The following VAT1L variants were observed in gnomAD, a reference collection of about 807,000 sequenced individuals.
VAT1L encodes vesicle amine transport 1 like, also known as putative NADPH-dependent quinone oxidoreductase VAT1L.
In VAT1L, 34 loss-of-function variants were observed where a neutral mutation model predicts 44.1. That is an observed-to-expected ratio of 0.77 (90% CI 0.59 to 1.03). VAT1L has a LOEUF of 1.03. Among genes scored for constraint, VAT1L ranks in the 50% least tolerant of loss-of-function variants. VAT1L has a pLI of 0.00. For synonymous variants in VAT1L, 253 were observed against 202.2 expected, an observed-to-expected ratio of 1.25 and a Z score of -2.13; for missense variants, 615 against 538.8, an observed-to-expected ratio of 1.14 and a Z score of -1.40.
At chr16:77,957,761 T>C (rs946276366) in intron 7 of VAT1L, among the ~76,000 whole-genome samples, 15 of 148,510 alleles carry the variant, frequency 1.0e-4, no homozygotes, top group African/African-American at 3.7e-4. Context: ...TATATAATTA[T>C]AATTATATTA....
At chr16:77,967,002 G>A (rs376564) in intron 7 of VAT1L, among the ~76,000 whole-genome samples, 3 of 149,986 alleles carry the variant, frequency 2.0e-5, no homozygotes, top group East Asian at 2.0e-4. Context: ...TCTCCCACGT[G>A]CTACTGAGCT....
chr16:77,914,430 T>G (rs548474286), intron 7 of VAT1L, among the ~76,000 whole-genome samples: 1 of 152,186 alleles, frequency 6.6e-6, no homozygotes, highest in Non-Finnish European at 1.5e-5. Flanking sequence ...AAATCAGCCA[T>G]GGTGTGAGCA....
At position 77,884,799 on chromosome 16, in the gene VAT1L, G is replaced by A. The variant is rs773479800; in HGVS notation, c.1074G>A (p.Glu358=). The part of the protein sequence containing the change: ...KPVVDSLWAL[E]EVKEAMQRIH... ...TGGTGGACTCCTTGTGGGCTCTGGA[G>A]GAGGTAAGAATGGTGCTTTTCTTCT... Residue 358 remains glutamate, a synonymous_variant, in exon 7 of 9, where the codon GAG becomes GAA. Transcript: ENST00000302536. The surrounding 1 kb of genome is among the most constrained non-coding windows in gnomAD (Gnocchi z 4.5). 3.3e-6 allele frequency: 5 copies of A among 1,496,528 alleles called. No individual in the cohort carries two copies. Among genetic ancestry groups the A allele is most frequent in the Non-Finnish European group, 3.5e-6 (4 of 1,127,000 alleles). 92.7% of individuals were successfully genotyped at this position (1,496,528 alleles called of 1,614,324 possible). A position where few individuals can be genotyped will look rare whatever the true frequency, so the allele number is the denominator to read the frequency against.
chr16:77,823,954 C>T (rs758134517), intron 2 of VAT1L, among the ~76,000 whole-genome samples: 4 of 152,008 alleles, frequency 2.6e-5, no homozygotes, highest in African/African-American at 7.2e-5. Context: ...ACCTGGGAGG[C>T]GGAGGTTGCA....
intron 4 of VAT1L, among the ~76,000 whole-genome samples, chr16:77,873,520 T>G (rs2017054465): frequency 6.6e-6 from 1 of 152,216 alleles, no homozygotes; most frequent in Admixed American, 6.5e-5. Context: ...CAATCACTAT[T>G]TCTTGAGAAG....
intron 3 of VAT1L, among the ~76,000 whole-genome samples, chr16:77,843,742 C>T (rs540233030): frequency 6.6e-6 from 1 of 152,336 alleles, no homozygotes; most frequent in East Asian, 1.9e-4. Flanking sequence ...GTCCCTGATA[C>T]AAACTGGTCC....
At chr16:77,852,693 G>A (rs574961747) in intron 3 of VAT1L, among the ~76,000 whole-genome samples, 5 of 152,286 alleles carry the variant, frequency 3.3e-5, no homozygotes, top group East Asian at 3.9e-4. Flanking sequence ...TTGACAAAGC[G>A]TAACTTACCA....
intron 7 of VAT1L, among the ~76,000 whole-genome samples, chr16:77,888,311 T>C (rs943785047): frequency 1.3e-5 from 2 of 152,146 alleles, no homozygotes; most frequent in Non-Finnish European, 2.9e-5. Flanking sequence ...ATTTAAACCC[T>C]ACATGAGGGA....
chr16:77,940,455 T>C (rs1266802648), intron 7 of VAT1L, among the ~76,000 whole-genome samples: 1 of 149,316 alleles, frequency 6.7e-6, no homozygotes, highest in Non-Finnish European at 1.5e-5. Flanking sequence ...GCGATTCTCC[T>C]GCCTCAGCCT....
At chr16:77,970,701 C>T (rs1427309687) in intron 7 of VAT1L, among the ~76,000 whole-genome samples, 1 of 152,118 alleles carries the variant, frequency 6.6e-6, no homozygotes, top group Non-Finnish European at 1.5e-5. Context: ...GTTTTTTTCC[C>T]CATAATTTAA....
At chr16:77,951,854 C>CT (rs1205991152) in intron 7 of VAT1L, among the ~76,000 whole-genome samples, 2 of 123,848 alleles carry the variant, frequency 1.6e-5, no homozygotes, top group African/African-American at 7.2e-5. Context: ...AAAAAAAAAA[C>CT]ACGAAAAAAC....
chr16:77,811,273 C>G (rs1453098877), intron 1 of VAT1L, among the ~76,000 whole-genome samples: 1 of 152,208 alleles, frequency 6.6e-6, no homozygotes, highest in African/African-American at 2.4e-5. Flanking sequence ...CTACATGTAT[C>G]TTTGCTAAAC....
chr16:77,925,471 T>C (rs796091737), intron 7 of VAT1L, among the ~76,000 whole-genome samples: 2 of 152,278 alleles, frequency 1.3e-5, no homozygotes, highest in African/African-American at 4.8e-5. Flanking sequence ...TTTCGGGGTA[T>C]TAAAGAGGTC....
At chr16:77,971,382 G>C (rs756456761) in intron 7 of VAT1L, among the ~76,000 whole-genome samples, 75 of 152,234 alleles carry the variant, frequency 4.9e-4, no homozygotes, top group Non-Finnish European at 1.0e-3. Flanking sequence ...AACCAGAATC[G>C]TGAGAATTTT....
intron 7 of VAT1L, among the ~76,000 whole-genome samples, chr16:77,912,624 T>A (rs1405622339): frequency 6.6e-6 from 1 of 152,218 alleles, no homozygotes; most frequent in East Asian, 1.9e-4. Context: ...CAATTTCAAC[T>A]GGCTTATTCT....
chr16:77,945,336 G>C (rs935461539), intron 7 of VAT1L, among the ~76,000 whole-genome samples: 3 of 131,764 alleles, frequency 2.3e-5, no homozygotes, highest in South Asian at 2.4e-4. Context: ...GTTAATGCTG[G>C]AGTACAGTGA....
chr16:77,903,829 T>A (rs983873882), intron 7 of VAT1L, among the ~76,000 whole-genome samples: 1 of 150,146 alleles, frequency 6.7e-6, no homozygotes, highest in African/African-American at 2.5e-5. Context: ...CTCCGCCTCC[T>A]GGGTTCATGC....
intron 7 of VAT1L, among the ~76,000 whole-genome samples, chr16:77,951,734 A>G (rs1443110419): frequency 6.6e-6 from 1 of 152,130 alleles, no homozygotes. Context: ...GATTAGCACA[A>G]GGGACACAGA....
intron 7 of VAT1L, among the ~76,000 whole-genome samples, chr16:77,895,435 A>T (rs146951939): frequency 3.3e-5 from 5 of 152,190 alleles, no homozygotes; most frequent in Non-Finnish European, 7.3e-5. Flanking sequence ...AATACCCTGG[A>T]TCATGCAGAT....
Sources: allele counts gnomAD v4.1 joint callset (sites outside exome capture counted in the v4.1 genomes callset), GRCh38; gene constraint gnomAD v4.1.1; non-coding constraint Gnocchi (gnomAD v3.1); transcripts MANE v1.5; gene names NCBI Gene and HGNC (gene_info 2026-07-23, HGNC 2026-07-21).